Variants in FBF1 observed in about 807,000 individuals in gnomAD.
FBF1 encodes fas-binding factor 1.
Under a neutral mutation model 147.2 loss-of-function variants are expected in FBF1, and 119 were observed. That is an observed-to-expected ratio of 0.81 (90% CI 0.70 to 0.94). The LOEUF is 0.94. Among genes scored for constraint, FBF1 ranks in the 40% least tolerant of loss-of-function variants. The pLI is 0.00. For missense variants in FBF1, 1,449 were observed against 1,500.8 expected (o/e 0.97, Z 0.57); for synonymous variants, 601 against 609.0 (o/e 0.99, Z 0.19).
At position 75,928,541 on chromosome 17, in the gene FBF1, G is replaced by C. The variant is rs758120261; in HGVS notation, c.280-348C>G. Among the ~76,000 whole-genome samples the C allele has an allele frequency of 1.3e-5, 2 of 152,042 alleles. No homozygotes were observed. Among genetic ancestry groups the C allele is most frequent in the African/African-American group, 4.8e-5 (2 of 41,382 alleles). On this transcript the variant is annotated intron_variant, in intron 7 of 29. Coordinates refer to ENST00000636174, the MANE Select transcript of FBF1 (RefSeq NM_001319193.2). The surrounding 1 kb of genome is among the most constrained non-coding windows in gnomAD (Gnocchi z 4.2). ...TTTAGACAGGATATTGGCCGGGCGC[G>C]GTGGCTCATGCCTAGAATCCCAGCA...
At position 75,926,055 on chromosome 17, in the gene FBF1, T is replaced by TA. The variant is rs1395590653; in HGVS notation, c.842dup (p.Asp282ArgfsTer11). On this transcript the variant is annotated frameshift_variant, in exon 12 of 30. Coordinates refer to ENST00000636174, the MANE Select transcript of FBF1 (RefSeq NM_001319193.2). LOFTEE classifies it high-confidence loss of function. ...CCTGTGGCCTCTGGTACTTCTTGTC[T>TA]AGCTTGAACTCCCTGTGCTCCCCGG... is the stretch of plus-strand genomic sequence containing the variant. 1 of 1,612,106 alleles carries TA rather than the reference T, an allele frequency of 6.2e-7. No individual in the cohort carries two copies. Among genetic ancestry groups the TA allele is most frequent in the Non-Finnish European group, 8.5e-7 (1 of 1,179,716 alleles).
chr17:75,939,667 A>C (rs1332136670), intron 1 of FBF1, among the ~76,000 whole-genome samples: 1 of 151,988 alleles, frequency 6.6e-6, no homozygotes, highest in Non-Finnish European at 1.5e-5. Flanking sequence ...AAGTGCTGGG[A>C]TTACAGGTGT....
chr17:75,910,545 G>C lies in FBF1; in HGVS notation c.*178C>G. On this transcript the variant is annotated 3_prime_UTR_variant, in exon 30 of 30. Coordinates refer to ENST00000636174, the MANE Select transcript of FBF1 (RefSeq NM_001319193.2). The surrounding 1 kb of genome is among the most constrained non-coding windows in gnomAD (Gnocchi z 4.1). ...ACACCACAGAGCCCCAGAGGCAGGGGCTGCCCCGGGCTGGCACATTTGGAA... is the reference window on the plus strand; with the variant it reads ...ACACCACAGAGCCCCAGAGGCAGGGCCTGCCCCGGGCTGGCACATTTGGAA... 1 of 600,882 alleles carries C rather than the reference G, an allele frequency of 1.7e-6. No individual in the cohort carries two copies. The highest frequency in any genetic ancestry group is 2.0e-5 in the South Asian group (1 of 50,218). 37.2% of individuals were successfully genotyped at this position (600,882 alleles called of 1,614,324 possible).
In FBF1 at chr17:75,931,260, G is replaced by A. The variant is rs768799826; in HGVS notation, c.197C>T (p.Thr66Ile). ...KSLLGDDVFSTMAGLEEADAE... is the reference protein window; with the variant it reads ...KSLLGDDVFSIMAGLEEADAE... ...ATCAGCTTCTTCCAGGCCTGCCATG[G>A]TGCTGAAGACATCATCACCCAGGAG... Residue 66 changes from threonine to isoleucine, a missense_variant, in exon 6 of 30, where the codon ACC becomes ATC. Transcript: ENST00000636174. 3.8e-5 allele frequency: 60 copies of A among 1,583,478 alleles called. No homozygotes were observed. The highest frequency in any genetic ancestry group is 4.7e-5 in the Non-Finnish European group (55 of 1,165,016).
chr17:75,913,841 G>A (rs1459680421), intron 27 of FBF1, 22 bp from the exon 28 acceptor site: 2 of 1,585,196 alleles, frequency 1.3e-6, no homozygotes, highest in South Asian at 2.3e-5. Flanking sequence ...CCCCCAGAAA[G>A]AAGGACTCAG....
Position 75,915,025 on chromosome 17 carries a change from G to T in FBF1, c.2620C>A (p.Arg874=). The part of the protein sequence containing the change: ...QMAMERAELE[R]AKSALLEEQK... ...GCGGTGGCTTGACTCACCTTGGCCC[G>T]TTCCAGCTCCGCCCTTTCCATGGCC... The change falls in exon 24 of 30, where the codon CGG becomes AGG. Residue 874 remains arginine, a synonymous_variant. Transcript: ENST00000636174. 6.2e-7 allele frequency: 1 copy of T among 1,613,516 alleles called. No homozygotes were observed. Among genetic ancestry groups the T allele is most frequent in the Non-Finnish European group, 8.5e-7 (1 of 1,179,858 alleles).
Position 75,917,923 on chromosome 17 carries a change from G to A in FBF1, c.2386+8C>T, listed in dbSNP as rs766642809. The A allele has an allele frequency of 2.5e-6, 4 of 1,594,324 alleles. No homozygotes were observed. Among genetic ancestry groups the A allele is most frequent in the Admixed American group, 3.5e-5 (2 of 57,770 alleles). On this transcript the variant is annotated splice_region_variant and intron_variant, in intron 22 of 29. Coordinates refer to ENST00000636174, the MANE Select transcript of FBF1 (RefSeq NM_001319193.2). Reference sequence around the variant, plus strand: ...AGGAGCCGGGGTGGCTGAGAGGGGAGGGCGTACCCCGCAGCTGCTCGTCAC... The same window carrying A: ...AGGAGCCGGGGTGGCTGAGAGGGGAAGGCGTACCCCGCAGCTGCTCGTCAC...
At position 75,910,051 on chromosome 17, in the gene FBF1, C is replaced by T. The variant is rs1464154660; in HGVS notation, c.*672G>A. On this transcript the variant is annotated 3_prime_UTR_variant, in exon 30 of 30. Transcript: ENST00000636174. This position sits in a 1 kb window ranked among gnomAD's most constrained non-coding sequence, Gnocchi z 4.1. The stretch of plus-strand genomic sequence containing the variant: ...CCATCGCCACAGCTCCCTCCGCCGC[C>T]GGTGGGGCACCCAGATGGGGAGGAA... 9.4e-6 allele frequency: 6 copies of T among 639,978 alleles called. No individual in the cohort carries two copies. The highest frequency in any genetic ancestry group is 3.0e-5 in the South Asian group (2 of 66,106). 39.6% of individuals were successfully genotyped at this position (639,978 alleles called of 1,614,324 possible).
At position 75,930,100 on chromosome 17, in the gene FBF1, C is replaced by A; in HGVS notation, c.229-53G>T. ...AGATGAGGAGGCACATTAGTCAAGG[C>A]CCAATAAAACTCAGGGTCCTGGCCC... On this transcript the variant is annotated intron_variant, in intron 6 of 29. Transcript: ENST00000636174. The A allele has an allele frequency of 2.1e-6, 3 of 1,409,874 alleles. No individual in the cohort carries two copies. In the East Asian group the frequency reaches 7.4e-5, roughly 35 times the overall value. 87.3% of individuals were successfully genotyped at this position (1,409,874 alleles called of 1,614,324 possible). A position where few individuals can be genotyped will look rare whatever the true frequency, so the allele number is the denominator to read the frequency against.
At chr17:75,932,641 C>T (rs2065600948) in intron 5 of FBF1, among the ~76,000 whole-genome samples, 1 of 152,098 alleles carries the variant, frequency 6.6e-6, no homozygotes, top group African/African-American at 2.4e-5. Context: ...GTAATCCCAG[C>T]ACTTTGGGAG....
rs77749298 is a variant in FBF1, at chr17:75,927,753, C to T, written c.398-221G>A. ...ACCTCTGCTTCCTCATCATGAGTCA[C>T]TCCAGAGACATGGGTTCAGGAGAGG... On this transcript the variant is annotated intron_variant, in intron 8 of 29. Coordinates refer to ENST00000636174, the MANE Select transcript of FBF1 (RefSeq NM_001319193.2). 6.5e-3 allele frequency among the ~76,000 whole-genome samples: 991 copies of T among 152,272 alleles called. 12 individuals are homozygous for T. The highest frequency in any genetic ancestry group is 0.023 in the African/African-American group (956 of 41,548).
chr17:75,914,766 G>A lies in FBF1; in HGVS notation c.2795C>T (p.Thr932Ile). 1 of 1,580,762 alleles carries A rather than the reference G, an allele frequency of 6.3e-7. No individual in the cohort carries two copies. Reference protein sequence around the residue: ...ALQVDTQREGTLISLAKEQAE... With the variant: ...ALQVDTQREGILISLAKEQAE... Reference sequence around the variant, plus strand: ...CCCTACCTTGGCCAGGCTGATGAGGGTGCCCTCCCGCTGGGTGTCCACCTG... The same window carrying A: ...CCCTACCTTGGCCAGGCTGATGAGGATGCCCTCCCGCTGGGTGTCCACCTG... Residue 932 changes from threonine (T) to isoleucine (I), a missense_variant, in exon 25 of 30, where the codon ACC becomes ATC. Transcript: ENST00000636174.
chr17:75,912,445 C>G (rs2065461945), intron 28 of FBF1, 138 bp from the exon 29 acceptor site: 4 of 596,062 alleles, frequency 6.7e-6, no homozygotes, highest in Non-Finnish European at 1.2e-5. Context: ...GGCACTAACT[C>G]TCAGAAGCCT....
Position 75,925,304 on chromosome 17 carries a change from C to T in FBF1, c.968+43G>A, listed in dbSNP as rs8068377. ...TGCAGGGGCCTGTCTTCCCAGTGGC[C>T]GACCTGTCTCAAGAGGCCAAGCCTC... is the stretch of plus-strand genomic sequence containing the variant. On this transcript the variant is annotated intron_variant, in intron 13 of 29. Coordinates refer to ENST00000636174, the MANE Select transcript of FBF1 (RefSeq NM_001319193.2). The surrounding 1 kb of genome is among the most constrained non-coding windows in gnomAD (Gnocchi z 5.0). The T allele has an allele frequency of 1.6e-5, 24 of 1,530,428 alleles. No individual in the cohort carries two copies. The South Asian group carries it at 2.1e-4, about 13-fold the overall frequency. The allele number at this position is 1,530,428 out of a possible 1,614,324, so 94.8% of individuals were successfully genotyped here. A position where few individuals can be genotyped will look rare whatever the true frequency, so the allele number is the denominator to read the frequency against.
At chr17:75,917,541 G>A (rs1008900141) in intron 23 of FBF1, among the ~76,000 whole-genome samples, 191 bp downstream of exon 23, 2 of 152,210 alleles carry the variant, frequency 1.3e-5, no homozygotes, top group Non-Finnish European at 2.9e-5. Flanking sequence ...CTGGCCAGGC[G>A]GCCCCTGCAT....
chr17:75,921,064 C>T (rs559672824), intron 17 of FBF1, among the ~76,000 whole-genome samples, 180 bp downstream of exon 17: 52 of 152,334 alleles, frequency 3.4e-4, no homozygotes, highest in African/African-American at 1.9e-4. Context: ...CCAGGAGCAG[C>T]GAGGCTAGAA....
chr17:75,913,607 G>A lies in FBF1; in HGVS notation c.3247+95C>T, dbSNP rs994799846. On this transcript the variant is annotated intron_variant, in intron 28 of 29. Coordinates refer to ENST00000636174, the MANE Select transcript of FBF1 (RefSeq NM_001319193.2). ...AGGCGACTATAAAACCCAGCTGGCC[G>A]CCTTAACTGGAGCGGCTGGAGGAGG... 8 of 929,388 alleles carry A rather than the reference G, an allele frequency of 8.6e-6. 1 individual carries two copies. Among genetic ancestry groups the A allele is most frequent in the South Asian group, 3.7e-5 (2 of 53,558 alleles). 57.6% of individuals were successfully genotyped at this position (929,388 alleles called of 1,614,324 possible). A position where few individuals can be genotyped will look rare whatever the true frequency, so the allele number is the denominator to read the frequency against.
At chr17:75,934,743 G>A (rs1253081438) in intron 4 of FBF1, among the ~76,000 whole-genome samples, 4 of 151,910 alleles carry the variant, frequency 2.6e-5, no homozygotes, top group Admixed American at 6.6e-5. Context: ...GCTGGGCGTG[G>A]TGGCGAGCGC....
intron 29 of FBF1, among the ~76,000 whole-genome samples, chr17:75,911,239 C>A (rs1420222965): frequency 6.6e-6 from 1 of 152,114 alleles, no homozygotes; most frequent in African/African-American, 2.4e-5. Context: ...GAGGCAACAT[C>A]GTGAGACCCC....
Sources: gnomAD v4.1 joint callset for allele counts (sites outside exome capture counted in the v4.1 genomes callset) on GRCh38, gnomAD v4.1.1 for gene constraint, Gnocchi (gnomAD v3.1) non-coding constraint, MANE v1.5 for transcripts, NCBI Gene and HGNC (gene_info 2026-07-23, HGNC 2026-07-21) for gene names.